Variants in DFFA observed in about 807,000 individuals in gnomAD.
The protein encoded by DFFA is DNA fragmentation factor subunit alpha.
In DFFA, 14 loss-of-function variants were observed where a neutral mutation model predicts 28.0. The observed-to-expected ratio is 0.50, with a 90% CI of 0.33 to 0.78. DFFA has a LOEUF of 0.78. Ranked by LOEUF, DFFA falls within the 30% of genes least tolerant of loss-of-function variation. The pLI is 0.02. For missense variants in DFFA, 395 were observed against 407.1 expected (o/e 0.97, Z 0.26); for synonymous variants, 158 against 170.3 (o/e 0.93, Z 0.56).
intron 3 of DFFA, among the ~76,000 whole-genome samples, chr1:10,464,985 C>T (rs1333425860): frequency 6.6e-6 from 1 of 152,134 alleles, no homozygotes; most frequent in African/African-American, 2.4e-5. Context: ...AGCACAGAGG[C>T]TCATATCAAT....
Position 10,467,278 on chromosome 1 carries a change from C to A in DFFA, c.353G>T (p.Ser118Ile), listed in dbSNP as rs971611679. 6.2e-7 allele frequency: 1 copy of A among 1,614,016 alleles called. No individual in the cohort carries two copies. Among genetic ancestry groups the A allele is most frequent in the African/African-American group, 1.3e-5 (1 of 74,912 alleles). ...QESFDVDETD[S>I]GAGLKWKNVA... ...ATTCTTCCACTTCAACCCTGCCCCG[C>A]TGTCTGTTTCATCTACATCAAAGGA... Residue 118 changes from serine (S) to isoleucine (I), a missense_variant, in exon 3 of 6, where the codon AGC (serine) becomes ATC (isoleucine). Transcript: ENST00000377038.
chr1:10,464,493 C>T (rs1042868006), intron 3 of DFFA, among the ~76,000 whole-genome samples: 1 of 152,116 alleles, frequency 6.6e-6, no homozygotes, highest in African/African-American at 2.4e-5. Flanking sequence ...GGTAGGAGGA[C>T]TGCTTGAGCT....
At chr1:10,471,120 GCTT>G (rs1217731174) in intron 1 of DFFA, among the ~76,000 whole-genome samples, 5 of 151,066 alleles carry the variant, frequency 3.3e-5, no homozygotes, top group Admixed American at 3.3e-4. Flanking sequence ...TTCCTTAGCA[GCTT>G]CTTTTCTAAC....
At chr1:10,467,838 C>T (rs972923856) in intron 2 of DFFA, among the ~76,000 whole-genome samples, 9 of 152,142 alleles carry the variant, frequency 5.9e-5, no homozygotes, top group Non-Finnish European at 1.2e-4. Context: ...CTGTGTGCAA[C>T]GGCTCTGTAT....
chr1:10,462,295 C>A (rs918651527), intron 5 of DFFA: 2 of 352,000 alleles, frequency 5.7e-6, no homozygotes, highest in African/African-American at 4.4e-5. Context: ...CCATGCCAGG[C>A]TAATTTTTGT....
intron 1 of DFFA, among the ~76,000 whole-genome samples, chr1:10,471,857 C>T (rs1466173469): frequency 1.3e-5 from 2 of 152,198 alleles, no homozygotes; most frequent in African/African-American, 4.8e-5. Flanking sequence ...CCGTCACTTA[C>T]AACTCACGTT....
intron 3 of DFFA, among the ~76,000 whole-genome samples, chr1:10,466,813 C>T (rs973705688): frequency 4.6e-5 from 7 of 151,724 alleles, no homozygotes; most frequent in African/African-American, 9.7e-5. Flanking sequence ...ATTAGCCAGG[C>T]GTGTTGGTGT....
chr1:10,456,683 A>G lies in DFFA; in HGVS notation c.*4807T>C, dbSNP rs1217426858. On this transcript the variant is annotated 3_prime_UTR_variant, in exon 6 of 6. Coordinates refer to ENST00000377038, the MANE Select transcript of DFFA (RefSeq NM_004401.3). ...TAGTTTTTCTCTTTTGCTTTTACCC[A>G]GAAATTAAAGGTTGGTAAGTGGTAA... The G allele has an allele frequency of 4.6e-5, 7 of 152,166 alleles. No individual in the cohort carries two copies. The highest frequency in any genetic ancestry group is 1.0e-4 in the Non-Finnish European group (7 of 68,032). The allele number at this position is 152,166 out of a possible 1,614,324, so 9.4% of individuals were successfully genotyped here.
At position 10,470,221 on chromosome 1, in the gene DFFA, T is replaced by C. The variant is rs559533743; in HGVS notation, c.137-883A>G. ...GAACCCAAGGCTCAGAGAGGTTAAG[T>C]AACTTGTCTAAGATCACACAGTAAG... On this transcript the variant is annotated intron_variant, in intron 1 of 5. Coordinates refer to ENST00000377038, the MANE Select transcript of DFFA (RefSeq NM_004401.3). Among the ~76,000 whole-genome samples the C allele has an allele frequency of 2.0e-5, 3 of 152,248 alleles. No homozygotes were observed. The South Asian group carries it at 6.2e-4, about 32-fold the overall frequency.
intron 2 of DFFA, among the ~76,000 whole-genome samples, chr1:10,467,989 T>C (rs1641045907): frequency 6.6e-6 from 1 of 152,234 alleles, no homozygotes. Context: ...AGCATTTCTC[T>C]GTGCTTGGGG....
Position 10,464,437 on chromosome 1 carries a change from G to A in DFFA, c.442-817C>T, listed in dbSNP as rs116316162. 1.7e-3 allele frequency among the ~76,000 whole-genome samples: 263 copies of A among 152,246 alleles called. 1 individual carries two copies. Among genetic ancestry groups the A allele is most frequent in the African/African-American group, 6.0e-3 (251 of 41,538 alleles). ...AGTGTTAAAATTGGGAAGAAGGGTC[G>A]GGTGTAGTGGCTTACACCTATAATC... On this transcript the variant is annotated intron_variant, in intron 3 of 5. Coordinates refer to ENST00000377038, the MANE Select transcript of DFFA (RefSeq NM_004401.3).
Position 10,463,131 on chromosome 1 carries a change from A to T in DFFA, c.710T>A (p.Leu237Gln). The change falls in exon 5 of 6, where the codon CTG becomes CAG. Residue 237 changes from leucine to glutamine, a missense_variant. Leu to Gln is a moderately radical substitution (Grantham distance 113, BLOSUM62 -2). Coordinates refer to ENST00000377038, the MANE Select transcript of DFFA (RefSeq NM_004401.3). ...ISRETSSDVA[L>Q]ASHILTALRE... ...CAGTGCAGTAAGGATGTGGCTCGCCAGCGCAACGTCCGAGGAGGTCTCTCT... is the reference window on the plus strand; with the variant it reads ...CAGTGCAGTAAGGATGTGGCTCGCCTGCGCAACGTCCGAGGAGGTCTCTCT... The T allele has an allele frequency of 6.2e-7, 1 of 1,614,116 alleles. No individual in the cohort carries two copies. The highest frequency in any genetic ancestry group is 1.1e-5 in the South Asian group (1 of 91,078).
intron 2 of DFFA, among the ~76,000 whole-genome samples, chr1:10,467,634 G>T (rs1326111450): frequency 6.6e-6 from 1 of 151,680 alleles, no homozygotes; most frequent in African/African-American, 2.4e-5. Flanking sequence ...CCTCAGCCTT[G>T]CAAGTAGCTG....
intron 5 of DFFA, chr1:10,462,821 C>G: frequency 7.3e-7 from 1 of 1,368,838 alleles, no homozygotes; most frequent in Non-Finnish European, 9.4e-7. Context: ...ATTTCATTAC[C>G]AACCTTGGAC....
At chr1:10,462,846 T>C in intron 5 of DFFA, 1 of 1,398,470 alleles carries the variant, frequency 7.2e-7, no homozygotes, top group Non-Finnish European at 9.3e-7. Context: ...GTCTGTTTGA[T>C]GATCTGAGGA....
At position 10,469,244 on chromosome 1, in the gene DFFA, C is replaced by T; in HGVS notation, c.231G>A (p.Leu77=). ...CAAACTTAGTATTGGAAGGTAGACA[C>T]AGAAAGTAATCGTCATCATCCACTA... is the stretch of plus-strand genomic sequence containing the variant. ...GTIVDDDDYF[L]CLPSNTKFVA... is the part of the protein sequence containing the mutation. Residue 77 remains leucine, a synonymous_variant, in exon 2 of 6, where the codon CTG becomes CTA. Coordinates refer to ENST00000377038, the MANE Select transcript of DFFA (RefSeq NM_004401.3). The T allele has an allele frequency of 6.2e-7, 1 of 1,614,190 alleles. No individual in the cohort carries two copies. The highest frequency in any genetic ancestry group is 8.5e-7 in the Non-Finnish European group (1 of 1,180,024).
At position 10,463,561 on chromosome 1, in the gene DFFA, G is replaced by A. The variant is rs763189247; in HGVS notation, c.501C>T (p.Thr167=). 4 of 1,614,084 alleles carry A rather than the reference G, an allele frequency of 2.5e-6. No homozygotes were observed. The highest frequency in any genetic ancestry group is 2.2e-5 in the East Asian group (1 of 44,904). ...LAQELRQSCA[T]VQRLQHTLQQ... ...GGAGTGTGTGCTGCAGCCGCTGGAC[G>A]GTGGCACAACTCTGACGTAGTTCCT... Residue 167 remains threonine, a synonymous_variant, in exon 4 of 6, where the codon ACC becomes ACT. Coordinates refer to ENST00000377038, the MANE Select transcript of DFFA (RefSeq NM_004401.3).
rs781137474 is a variant in DFFA, at chr1:10,467,276, C to T, written c.355G>A (p.Gly119Arg). ...ESFDVDETDS[G>R]AGLKWKNVAR... ...ACATTCTTCCACTTCAACCCTGCCC[C>T]GCTGTCTGTTTCATCTACATCAAAG... Residue 119 changes from glycine to arginine, a missense_variant, in exon 3 of 6, where the codon GGG (glycine) becomes AGG (arginine). Transcript: ENST00000377038. 17 of 1,613,968 alleles carry T rather than the reference C, an allele frequency of 1.1e-5. No homozygotes were observed. The Middle Eastern group carries it at 4.9e-4, about 47-fold the overall frequency.
intron 1 of DFFA, among the ~76,000 whole-genome samples, chr1:10,470,047 T>C (rs1269327049): frequency 6.7e-6 from 1 of 150,360 alleles, no homozygotes. Context: ...AACTCCCGAC[T>C]TAATGATCTA....
Sources: gnomAD v4.1 joint callset for allele counts (sites outside exome capture counted in the v4.1 genomes callset) on GRCh38, gnomAD v4.1.1 for gene constraint, MANE v1.5 for transcripts, NCBI Gene and HGNC (gene_info 2026-07-23, HGNC 2026-07-21) for gene names.